Variants in INSYN1 observed in about 807,000 individuals in gnomAD.
INSYN1 encodes the protein UPF0583 protein C15orf59.
A neutral mutation model predicts 17.1 loss-of-function variants in INSYN1; 7 were observed. The ratio of observed to expected loss-of-function variants is 0.41; its 90% CI spans 0.23 to 0.77. INSYN1 has a LOEUF of 0.77. Ranked by LOEUF, INSYN1 falls within the 30% of genes least tolerant of loss-of-function variation. The pLI, the probability that INSYN1 is intolerant of heterozygous loss-of-function variation, is 0.32. For synonymous variants in INSYN1, 174 were observed against 166.3 expected, an observed-to-expected ratio of 1.05 and a Z score of -0.36; for missense variants, 339 against 400.6, an observed-to-expected ratio of 0.85 and a Z score of 1.31.
intron 2 of INSYN1, among the ~76,000 whole-genome samples, chr15:73,745,525 T>C (rs926170702): frequency 6.6e-6 from 1 of 152,172 alleles, no homozygotes; most frequent in African/African-American, 2.4e-5. Flanking sequence ...TTTGCACCTA[T>C]ATGTTATAAC....
intron 2 of INSYN1, among the ~76,000 whole-genome samples, chr15:73,745,408 G>T (rs533842203): frequency 3.3e-5 from 5 of 152,242 alleles, no homozygotes; most frequent in African/African-American, 1.2e-4. Flanking sequence ...ACTTCGAGAA[G>T]GAAGCCTTCC....
chr15:73,746,814 C>T (rs2141470202), intron 2 of INSYN1, among the ~76,000 whole-genome samples: 1 of 152,182 alleles, frequency 6.6e-6, no homozygotes, highest in South Asian at 2.1e-4. Flanking sequence ...GATGAGGAGG[C>T]CAAGTACCTG....
intron 2 of INSYN1, among the ~76,000 whole-genome samples, chr15:73,741,020 G>A (rs796145834): frequency 3.3e-5 from 5 of 152,322 alleles, no homozygotes; most frequent in African/African-American, 1.2e-4. Context: ...GTTTGAGAGG[G>A]GGCCACTTCA....
In INSYN1 at chr15:73,739,867, ATT is replaced by A. The variant is rs57797691; in HGVS notation, c.*48_*49del. 3.4e-3 allele frequency: 1,227 copies of A among 364,660 alleles called. 24 individuals are homozygous for A. Among genetic ancestry groups the A allele is most frequent in the African/African-American group, 0.025 (1,098 of 44,680 alleles). The allele number at this position is 364,660 out of a possible 1,614,324, so 22.6% of individuals were successfully genotyped here. On this transcript the variant is annotated 3_prime_UTR_variant, in exon 3 of 3. Coordinates refer to ENST00000569673, the MANE Select transcript of INSYN1 (RefSeq NM_001039614.3). The stretch of plus-strand genomic sequence containing the variant: ...TATATATATATATATATATATATAT[ATT>A]TATTTATAGCTCTATGTGCCCACCG...
At chr15:73,747,225 G>T (rs1901859625) in intron 2 of INSYN1, among the ~76,000 whole-genome samples, 1 of 152,112 alleles carries the variant, frequency 6.6e-6, no homozygotes, top group South Asian at 2.1e-4. Context: ...CTTCTGTGGG[G>T]TCTCTGTTCA....
At position 73,753,312 on chromosome 15, in the gene INSYN1, G is replaced by T. The variant is rs1902047428; in HGVS notation, c.-1770C>A. Among the ~76,000 whole-genome samples the T allele has an allele frequency of 2.0e-5, 3 of 151,050 alleles. No individual in the cohort carries two copies. The highest frequency in any genetic ancestry group is 6.6e-5 in the Admixed American group (1 of 15,204). On this transcript the variant is annotated 5_prime_UTR_variant, in exon 1 of 3. Transcript: ENST00000569673. This position sits in a 1 kb window ranked among gnomAD's most constrained non-coding sequence, Gnocchi z 4.2. ...GGCTCCCTTAAAGGCCGCCCGGCTC[G>T]CTTGGCTCCGCTTGCCTCGGCGCTG...
At position 73,752,794 on chromosome 15, in the gene INSYN1, G is replaced by A. The variant is rs1458361175; in HGVS notation, c.-1252C>T. The A allele has an allele frequency of 1.3e-5, 2 of 151,672 alleles. No individual in the cohort carries two copies. The highest frequency in any genetic ancestry group is 2.0e-4 in the East Asian group (1 of 5,082). The allele number at this position is 151,672 out of a possible 1,614,324, so 9.4% of individuals were successfully genotyped here. ...GGAATCCACCGGGTCCCCGAGGAGG[G>A]GCGATGTCAGCCGCGGGGACCCGGT... On this transcript the variant is annotated 5_prime_UTR_variant, in exon 1 of 3. Transcript: ENST00000569673. This position sits in a 1 kb window ranked among gnomAD's most constrained non-coding sequence, Gnocchi z 5.2.
intron 2 of INSYN1, among the ~76,000 whole-genome samples, chr15:73,743,934 T>C (rs536633119): frequency 2.0e-5 from 3 of 151,022 alleles, no homozygotes; most frequent in South Asian, 2.1e-4. Context: ...ACCTGGGCTC[T>C]GGAGCCAGAC....
intron 2 of INSYN1, among the ~76,000 whole-genome samples, chr15:73,743,441 G>T (rs1188124849): frequency 6.6e-6 from 1 of 152,108 alleles, no homozygotes; most frequent in Non-Finnish European, 1.5e-5. Flanking sequence ...GAGACCTTAG[G>T]CAGATGATTA....
chr15:73,750,222 C>T (rs1238445940), intron 2 of INSYN1, among the ~76,000 whole-genome samples: 1 of 152,192 alleles, frequency 6.6e-6, no homozygotes, highest in African/African-American at 2.4e-5. Context: ...ACCTCATTAC[C>T]CTAGCGATGT....
intron 2 of INSYN1, among the ~76,000 whole-genome samples, chr15:73,749,656 C>T (rs771510321): frequency 1.3e-5 from 2 of 152,190 alleles, no homozygotes; most frequent in African/African-American, 2.4e-5. Flanking sequence ...GGGCATCTGG[C>T]GCTTGATCTC....
chr15:73,736,681 A>C lies in INSYN1; in HGVS notation c.*3236T>G, dbSNP rs11630531. On this transcript the variant is annotated 3_prime_UTR_variant, in exon 3 of 3. Coordinates refer to ENST00000569673, the MANE Select transcript of INSYN1 (RefSeq NM_001039614.3). Reference sequence around the variant, plus strand: ...CGAGGCCAAGGTGGGCAGATCACAAAGTCAAGAGATCAAGACCATCCTGGC... The same window carrying C: ...CGAGGCCAAGGTGGGCAGATCACAACGTCAAGAGATCAAGACCATCCTGGC... 1 of 152,160 alleles carries C rather than the reference A, an allele frequency of 6.6e-6. No individual in the cohort carries two copies. Among genetic ancestry groups the C allele is most frequent in the Non-Finnish European group, 1.5e-5 (1 of 68,080 alleles). The allele number at this position is 152,160 out of a possible 1,614,324, so 9.4% of individuals were successfully genotyped here.
At chr15:73,744,793 C>T (rs1307893712) in intron 2 of INSYN1, among the ~76,000 whole-genome samples, 1 of 152,076 alleles carries the variant, frequency 6.6e-6, no homozygotes, top group Non-Finnish European at 1.5e-5. Context: ...CAGAATCAGA[C>T]AACCCCCAAG....
At chr15:73,746,361 A>C (rs1901831455) in intron 2 of INSYN1, among the ~76,000 whole-genome samples, 1 of 152,084 alleles carries the variant, frequency 6.6e-6, no homozygotes, top group African/African-American at 2.4e-5. Flanking sequence ...TAAGAAAAAA[A>C]TCCACGCAAT....
chr15:73,746,294 C>T (rs1377807877), intron 2 of INSYN1, among the ~76,000 whole-genome samples: 2 of 152,008 alleles, frequency 1.3e-5, no homozygotes, highest in East Asian at 3.9e-4. Flanking sequence ...GTAAATCTGT[C>T]CGGAGGAGGA....
chr15:73,744,609 G>A (rs1901774183), intron 2 of INSYN1, among the ~76,000 whole-genome samples: 1 of 152,180 alleles, frequency 6.6e-6, no homozygotes, highest in African/African-American at 2.4e-5. Context: ...CCCCAGTCTT[G>A]TCTTGCTCTC....
At position 73,751,295 on chromosome 15, in the gene INSYN1, C is replaced by A; in HGVS notation, c.-165G>T. 2.9e-6 allele frequency: 2 copies of A among 698,622 alleles called. No individual in the cohort carries two copies. The highest frequency in any genetic ancestry group is 4.8e-6 in the Non-Finnish European group (2 of 420,880). 43.3% of individuals were successfully genotyped at this position (698,622 alleles called of 1,614,324 possible). A position where few individuals can be genotyped will look rare whatever the true frequency, so the allele number is the denominator to read the frequency against. Reference sequence around the variant, plus strand: ...TCAACCAGCCCCTGCCCCCTGCCACCCAGCCTCCTCTGCCTCTGGGTGGAG... The same window carrying A: ...TCAACCAGCCCCTGCCCCCTGCCACACAGCCTCCTCTGCCTCTGGGTGGAG... On this transcript the variant is annotated 5_prime_UTR_variant, in exon 2 of 3. Coordinates refer to ENST00000569673, the MANE Select transcript of INSYN1 (RefSeq NM_001039614.3).
chr15:73,748,134 A>G (rs1455593358), intron 2 of INSYN1, among the ~76,000 whole-genome samples: 2 of 152,118 alleles, frequency 1.3e-5, no homozygotes, highest in Non-Finnish European at 2.9e-5. Flanking sequence ...GTGCAGTGCA[A>G]ATCACCACAT....
rs1901649903 is a variant in INSYN1, at chr15:73,740,206, C to T, written c.593G>A (p.Cys198Tyr). Residue 198 changes from cysteine to tyrosine, a missense_variant, in exon 3 of 3, where the codon TGC becomes TAC. By Grantham distance (194) the Cys-to-Tyr change is radical (BLOSUM62 -2). Transcript: ENST00000569673. Reference protein sequence around the residue: ...FSDKVLYHALCCDDEEGDGEQ... With the variant: ...FSDKVLYHALYCDDEEGDGEQ... ...ACCGTCCCCCTCCTCATCGTCACAG[C>T]ACAGAGCATGGTAGAGCACTTTGTC... 1 of 1,614,004 alleles carries T rather than the reference C, an allele frequency of 6.2e-7. No homozygotes were observed.
Sources: gnomAD v4.1 joint callset for allele counts (sites outside exome capture counted in the v4.1 genomes callset) on GRCh38, gnomAD v4.1.1 for gene constraint, Gnocchi (gnomAD v3.1) non-coding constraint, MANE v1.5 for transcripts, NCBI Gene and HGNC (gene_info 2026-07-23, HGNC 2026-07-21) for gene names.